Variants in CGGBP1 observed in about 807,000 individuals in gnomAD.
The protein encoded by CGGBP1 is CGG triplet repeat-binding protein 1.
In CGGBP1, 4 loss-of-function variants were observed where a neutral mutation model predicts 11.4. The observed-to-expected ratio is 0.35, with a 90% CI of 0.17 to 0.80. CGGBP1 has a LOEUF of 0.80. CGGBP1 is among the 30% of genes least tolerant of loss of function. The pLI, the probability that CGGBP1 is intolerant of heterozygous loss-of-function variation, is 0.52. For missense variants in CGGBP1, 135 were observed against 202.1 expected, an observed-to-expected ratio of 0.67 and a Z score of 2.01; for synonymous variants, 76 against 74.1, an observed-to-expected ratio of 1.03 and a Z score of -0.13.
chr3:88,061,819 G>T (rs185704095), upstream of CGGBP1, among the ~76,000 whole-genome samples: 2 of 152,288 alleles, frequency 1.3e-5, no homozygotes, highest in East Asian at 3.9e-4. Context: ...ATTAGTGAAT[G>T]ACTTAATCGT....
At chr3:88,082,459 G>A (rs1358581073) in intron 2 of CGGBP1, among the ~76,000 whole-genome samples, 2 of 152,174 alleles carry the variant, frequency 1.3e-5, no homozygotes, top group Admixed American at 1.3e-4. Context: ...TGGATTCGCT[G>A]TAAACAAATG....
rs960179173 is a variant in CGGBP1, at chr3:88,053,807, C to A, written c.*1666G>T. On this transcript the variant is annotated 3_prime_UTR_variant, in exon 4 of 4. Transcript: ENST00000482016. The stretch of plus-strand genomic sequence containing the variant: ...CATATGGTTATGTTTTGCTGCTGGT[C>A]TCCTCATACATGTGCTTCATCAACG... 1.3e-5 allele frequency: 2 copies of A among 152,540 alleles called. No homozygotes were observed. Among genetic ancestry groups the A allele is most frequent in the Non-Finnish European group, 2.9e-5 (2 of 67,990 alleles). The allele number at this position is 152,540 out of a possible 1,614,324, so 9.4% of individuals were successfully genotyped here.
intron 2 of CGGBP1, among the ~76,000 whole-genome samples, chr3:88,115,602 A>C (rs1705342795): frequency 6.6e-6 from 1 of 152,154 alleles, no homozygotes; most frequent in Middle Eastern, 3.2e-3. Flanking sequence ...TCTTCCATGA[A>C]TTTCTGATCT....
intron 1 of CGGBP1, among the ~76,000 whole-genome samples, chr3:88,148,389 T>C (rs1362121401): frequency 2.0e-5 from 3 of 152,190 alleles, no homozygotes; most frequent in African/African-American, 4.8e-5. Flanking sequence ...CGTGGTCCCA[T>C]ACCAACATAT....
Position 88,092,480 on chromosome 3 carries a change from G to A in CGGBP1, c.-228-34257C>T, listed in dbSNP as rs552257927. Reference sequence around the variant, plus strand: ...CTTGGAGGTCAGCAAAAATGTGCTGGGTGAGCTAACTTGCTGTACTCTGAA... The same window carrying A: ...CTTGGAGGTCAGCAAAAATGTGCTGAGTGAGCTAACTTGCTGTACTCTGAA... On this transcript the variant is annotated intron_variant, in intron 2 of 3. Transcript: ENST00000462901. 2.0e-5 allele frequency among the ~76,000 whole-genome samples: 3 copies of A among 152,174 alleles called. No homozygotes were observed. The South Asian group carries it at 6.2e-4, about 32-fold the overall frequency.
chr3:88,090,755 A>G (rs1708589307), intron 2 of CGGBP1, among the ~76,000 whole-genome samples: 1 of 152,210 alleles, frequency 6.6e-6, no homozygotes, highest in African/African-American at 2.4e-5. Flanking sequence ...TTTATCTTTT[A>G]CACCAGGGGT....
chr3:88,139,922 T>G (rs748688667), intron 2 of CGGBP1: 1 of 1,613,686 alleles, frequency 6.2e-7, no homozygotes. Context: ...GTCCTGCTCT[T>G]GGTTGTGTCC....
At chr3:88,102,343 G>A (rs889085974) in intron 2 of CGGBP1, among the ~76,000 whole-genome samples, 2 of 152,054 alleles carry the variant, frequency 1.3e-5, no homozygotes, top group African/African-American at 4.8e-5. Context: ...AATAGCTCTA[G>A]TCGTTTTTTG....
At chr3:88,082,486 T>C (rs1346601881) in intron 2 of CGGBP1, among the ~76,000 whole-genome samples, 2 of 152,170 alleles carry the variant, frequency 1.3e-5, no homozygotes, top group African/African-American at 2.4e-5. Context: ...TTAATATTAG[T>C]GAACAGCTTG....
At chr3:88,137,950 A>G (rs1559735097) in intron 2 of CGGBP1, among the ~76,000 whole-genome samples, 1 of 152,138 alleles carries the variant, frequency 6.6e-6, no homozygotes, top group Non-Finnish European at 1.5e-5. Context: ...TCCAATCAAA[A>G]TAAGCCTTTA....
intron 2 of CGGBP1, chr3:88,129,755 T>C (rs1275273944): frequency 6.5e-7 from 1 of 1,528,834 alleles, no homozygotes; most frequent in South Asian, 1.2e-5. Flanking sequence ...AAGGCAAAAC[T>C]ATGTTAGCCT....
chr3:88,072,817 T>A (rs1707592366), intron 2 of CGGBP1, among the ~76,000 whole-genome samples: 1 of 152,164 alleles, frequency 6.6e-6, no homozygotes, highest in African/African-American at 2.4e-5. Context: ...AATAAATTAA[T>A]GAATAAATAT....
At chr3:88,116,622 G>A (rs1705422692) in intron 2 of CGGBP1, among the ~76,000 whole-genome samples, 1 of 151,706 alleles carries the variant, frequency 6.6e-6, no homozygotes, top group African/African-American at 2.4e-5. Flanking sequence ...TTGTGTGTGT[G>A]TGTGTATATA....
intron 2 of CGGBP1, chr3:88,140,029 GA>G: frequency 6.2e-7 from 1 of 1,613,714 alleles, no homozygotes; most frequent in Non-Finnish European, 8.5e-7. Flanking sequence ...TGGAGCAAAG[GA>G]AAATGCAAAT....
intron 2 of CGGBP1, among the ~76,000 whole-genome samples, chr3:88,093,408 A>G (rs1703865757): frequency 6.6e-6 from 1 of 152,194 alleles, no homozygotes; most frequent in South Asian, 2.1e-4. Context: ...TCAGCATTCC[A>G]GGTAGAGGTG....
chr3:88,061,917 G>C (rs1706908827), upstream of CGGBP1, among the ~76,000 whole-genome samples: 1 of 152,124 alleles, frequency 6.6e-6, no homozygotes, highest in Admixed American at 6.5e-5. Flanking sequence ...GTGTTTCAAA[G>C]AAAGGCTCTG....
intron 2 of CGGBP1, among the ~76,000 whole-genome samples, chr3:88,134,226 T>G (rs1706634363): frequency 6.6e-6 from 1 of 152,112 alleles, no homozygotes; most frequent in Admixed American, 6.6e-5. Context: ...TTTGTCTGAG[T>G]ACACTATGTG....
At chr3:88,139,610 T>G in intron 2 of CGGBP1, 1 of 1,613,736 alleles carries the variant, frequency 6.2e-7, no homozygotes, top group Non-Finnish European at 8.5e-7. Context: ...CTGCTTCTAG[T>G]GAAGGAAACA....
chr3:88,147,570 CAGT>C (rs1268962300), intron 1 of CGGBP1, among the ~76,000 whole-genome samples: 1 of 152,210 alleles, frequency 6.6e-6, no homozygotes, highest in Admixed American at 6.5e-5. Flanking sequence ...CTATCCAAGA[CAGT>C]AGTCACTAGC....
Sources: gnomAD v4.1 joint callset for allele counts (sites outside exome capture counted in the v4.1 genomes callset) on GRCh38, gnomAD v4.1.1 for gene constraint, MANE v1.5 for transcripts, NCBI Gene and HGNC (gene_info 2026-07-23, HGNC 2026-07-21) for gene names.